Variants in AHCYL1 observed in about 807,000 individuals in gnomAD.
AHCYL1 encodes the protein S-adenosylhomocysteine hydrolase-like protein 1.
Under a neutral mutation model 79.3 loss-of-function variants are expected in AHCYL1, and 20 were observed. The ratio of observed to expected loss-of-function variants is 0.25; its 90% CI spans 0.18 to 0.37. AHCYL1 has a LOEUF of 0.37. AHCYL1 is among the 10% of genes least tolerant of loss of function. AHCYL1 has a pLI of 1.00. For synonymous variants in AHCYL1, 223 were observed against 242.2 expected, an observed-to-expected ratio of 0.92 and a Z score of 0.74; for missense variants, 330 against 673.6, an observed-to-expected ratio of 0.49 and a Z score of 5.65.
intron 1 of AHCYL1, among the ~76,000 whole-genome samples, chr1:109,998,025 C>T (rs986928108): frequency 3.9e-5 from 6 of 152,178 alleles, no homozygotes; most frequent in African/African-American, 9.7e-5. Flanking sequence ...TAACTGCTCT[C>T]CAGCATATGG....
intron 5 of AHCYL1, among the ~76,000 whole-genome samples, chr1:110,013,691 C>A (rs1651217652): frequency 6.6e-6 from 1 of 151,962 alleles, no homozygotes; most frequent in Admixed American, 6.6e-5. Flanking sequence ...GCCTGGGCGA[C>A]AGAGTGAAAC....
intron 1 of AHCYL1, among the ~76,000 whole-genome samples, chr1:109,993,312 CT>C (rs1649863381): frequency 6.6e-6 from 1 of 152,142 alleles, no homozygotes. Context: ...TGTAGTACTT[CT>C]CAAACTATTA....
At chr1:109,994,651 T>G (rs1216734479) in intron 1 of AHCYL1, among the ~76,000 whole-genome samples, 2 of 152,232 alleles carry the variant, frequency 1.3e-5, no homozygotes, top group Non-Finnish European at 1.5e-5. Context: ...ATCCAGTTGC[T>G]TTGGTAACTA....
chr1:110,017,129 A>G (rs1258826995), intron 9 of AHCYL1, among the ~76,000 whole-genome samples: 2 of 152,224 alleles, frequency 1.3e-5, no homozygotes, highest in African/African-American at 4.8e-5. Context: ...TGTCTTCAGC[A>G]ATGACCCAAA....
intron 14 of AHCYL1, 28 bp from the exon 15 acceptor site, chr1:110,019,520 G>T: frequency 6.3e-7 from 1 of 1,575,368 alleles, no homozygotes; most frequent in Non-Finnish European, 8.6e-7. Context: ...ATATTTTTGT[G>T]CTTTCTGGCC....
At chr1:110,018,143 A>G (rs2101741871) in intron 11 of AHCYL1, 127 bp downstream of exon 11, 2 of 1,118,922 alleles carry the variant, frequency 1.8e-6, no homozygotes, top group Non-Finnish European at 2.6e-6. Context: ...ATAAGCTATC[A>G]GAACCTTAAC....
chr1:110,008,519 A>T (rs747401406), intron 1 of AHCYL1, among the ~76,000 whole-genome samples: 1 of 152,132 alleles, frequency 6.6e-6, no homozygotes, highest in Non-Finnish European at 1.5e-5. Context: ...TTGGGCTCTG[A>T]GTATTGGCAC....
At chr1:109,998,880 T>C (rs1650161646) in intron 1 of AHCYL1, among the ~76,000 whole-genome samples, 1 of 152,152 alleles carries the variant, frequency 6.6e-6, no homozygotes. Context: ...ACTGTATGTA[T>C]TTGGACCAGG....
chr1:110,010,348 C>T (rs1650947086), intron 2 of AHCYL1, among the ~76,000 whole-genome samples: 1 of 152,046 alleles, frequency 6.6e-6, no homozygotes, highest in Non-Finnish European at 1.5e-5. Flanking sequence ...GTGAGAGAGT[C>T]CAGGTATACT....
At chr1:110,004,205 T>A in intron 1 of AHCYL1, 1 of 985,018 alleles carries the variant, frequency 1.0e-6, no homozygotes, top group Non-Finnish European at 1.2e-6. Flanking sequence ...GAGGCGGGAG[T>A]CGGCGGGGGA....
chr1:110,020,973 C>G, intron 16 of AHCYL1, 122 bp downstream of exon 16: 2 of 1,416,990 alleles, frequency 1.4e-6, no homozygotes, highest in Admixed American at 5.1e-5. Context: ...GAAATCTGTT[C>G]CAGGCCAGGC....
intron 1 of AHCYL1, among the ~76,000 whole-genome samples, chr1:109,991,065 GC>G (rs1649735765): frequency 6.6e-6 from 1 of 152,090 alleles, no homozygotes; most frequent in Non-Finnish European, 1.5e-5. Context: ...GAGCATCCAT[GC>G]CTTTGTTGAG....
intron 1 of AHCYL1, among the ~76,000 whole-genome samples, chr1:109,988,309 C>T (rs758813804): frequency 5.3e-5 from 8 of 152,190 alleles, no homozygotes; most frequent in Non-Finnish European, 7.3e-5. Flanking sequence ...ACGACTGTCA[C>T]TGGTGATTTC....
At chr1:110,018,054 T>C (rs1432856364) in intron 11 of AHCYL1, 38 bp downstream of exon 11, 3 of 1,607,450 alleles carry the variant, frequency 1.9e-6, no homozygotes, top group Non-Finnish European at 2.6e-6. Context: ...ATTCAGAGGC[T>C]AAATCTTGAA....
chr1:109,984,809 A>C lies in AHCYL1; in HGVS notation c.-244A>C. 2 of 354,750 alleles carry C rather than the reference A, an allele frequency of 5.6e-6. No individual in the cohort carries two copies. The highest frequency in any genetic ancestry group is 4.5e-6 in the Non-Finnish European group (1 of 223,260). 22.0% of individuals were successfully genotyped at this position (354,750 alleles called of 1,614,324 possible). ...GTACAGCGGAGGTGGCGGCGCGGGC[A>C]GGTCGGAGCTCGGAGCTGCTGTTCT... is the stretch of plus-strand genomic sequence containing the variant. On this transcript the variant is annotated 5_prime_UTR_variant, in exon 1 of 17. Transcript: ENST00000369799.
chr1:110,002,104 G>C (rs959990146), intron 1 of AHCYL1, among the ~76,000 whole-genome samples: 5 of 152,074 alleles, frequency 3.3e-5, no homozygotes, highest in Non-Finnish European at 7.4e-5. Flanking sequence ...TTTAAAAAAG[G>C]TAATACTAAA....
chr1:109,996,006 G>A (rs1053306949), intron 1 of AHCYL1, among the ~76,000 whole-genome samples: 1 of 152,178 alleles, frequency 6.6e-6, no homozygotes, highest in Non-Finnish European at 1.5e-5. Flanking sequence ...GATCACCTCA[G>A]GTCAGGAGTT....
chr1:109,989,970 A>C (rs1221144955), intron 1 of AHCYL1, among the ~76,000 whole-genome samples: 1 of 152,230 alleles, frequency 6.6e-6, no homozygotes, highest in Non-Finnish European at 1.5e-5. Context: ...ATTATTGTCA[A>C]TACTATCAGT....
rs532934221 is a variant in AHCYL1, at chr1:110,006,983, C to T, written c.121-2051C>T. ...GTAAGCTGCTAAGCTGCTTGCAACA[C>T]AGTCCAGTATTTTTAGATGGGAAAG... is the stretch of plus-strand genomic sequence containing the variant. On this transcript the variant is annotated intron_variant, in intron 1 of 16. Coordinates refer to ENST00000369799, the MANE Select transcript of AHCYL1 (RefSeq NM_006621.7). 1.1e-4 allele frequency among the ~76,000 whole-genome samples: 16 copies of T among 152,306 alleles called. No individual in the cohort carries two copies. In the South Asian group the frequency reaches 3.3e-3, roughly 32 times the overall value.
Sources: allele counts gnomAD v4.1 joint callset (sites outside exome capture counted in the v4.1 genomes callset), GRCh38; gene constraint gnomAD v4.1.1; transcripts MANE v1.5; gene names NCBI Gene and HGNC (gene_info 2026-07-23, HGNC 2026-07-21).